The following FKBP15 variants were observed in gnomAD, a reference collection of about 807,000 sequenced individuals.
The protein encoded by FKBP15 is FK506-binding protein 15.
In FKBP15, 106 loss-of-function variants were observed where a neutral mutation model predicts 158.1. The ratio of observed to expected loss-of-function variants is 0.67; its 90% CI spans 0.57 to 0.79. The LOEUF is 0.79. Ranked by LOEUF, FKBP15 falls within the 30% of genes least tolerant of loss-of-function variation. The pLI, the probability that FKBP15 is intolerant of heterozygous loss-of-function variation, is 0.00. For missense variants in FKBP15, 1,287 were observed against 1,479.1 expected, an observed-to-expected ratio of 0.87 and a Z score of 2.13; for synonymous variants, 547 against 548.6, an observed-to-expected ratio of 1.00 and a Z score of 0.04.
Position 113,164,894 on chromosome 9 carries a change from A to T in FKBP15, c.*1184T>A, listed in dbSNP as rs1454272324. On this transcript the variant is annotated 3_prime_UTR_variant, in exon 28 of 28. Coordinates refer to ENST00000238256, the MANE Select transcript of FKBP15 (RefSeq NM_015258.2). ...CACCGCCTTTTGTTAAGCAACAAAG[A>T]AATAATTAGTTCTCACTGCCTCCCA... 2 of 152,246 alleles carry T rather than the reference A, an allele frequency of 1.3e-5. No homozygotes were observed. Among genetic ancestry groups the T allele is most frequent in the African/African-American group, 4.8e-5 (2 of 41,464 alleles). The allele number at this position is 152,246 out of a possible 1,614,324, so 9.4% of individuals were successfully genotyped here. A position where few individuals can be genotyped will look rare whatever the true frequency, so the allele number is the denominator to read the frequency against.
chr9:113,171,876 T>C (rs1195944911), intron 23 of FKBP15, among the ~76,000 whole-genome samples, 170 bp from the exon 24 acceptor site: 2 of 151,904 alleles, frequency 1.3e-5, no homozygotes, highest in Non-Finnish European at 2.9e-5. Flanking sequence ...TACTTTAAGT[T>C]CTAGGGCACA....
chr9:113,217,401 G>A (rs1315081066), intron 1 of FKBP15, among the ~76,000 whole-genome samples: 1 of 151,100 alleles, frequency 6.6e-6, no homozygotes, highest in Non-Finnish European at 1.5e-5. Context: ...TTGTAGAGAC[G>A]GGGTTTCATT....
Position 113,184,672 on chromosome 9 carries a change from C to T in FKBP15, c.1608+23G>A, listed in dbSNP as rs762875897. The T allele has an allele frequency of 1.3e-6, 2 of 1,566,504 alleles. No homozygotes were observed. The highest frequency in any genetic ancestry group is 2.3e-5 in the South Asian group (2 of 86,372). ...CTGTTTACATCCCCACTTTCAACAT[C>T]ACCCCAACTCTGACTCAGTCACCTT... is the stretch of plus-strand genomic sequence containing the variant. On this transcript the variant is annotated intron_variant, in intron 16 of 27. Coordinates refer to ENST00000238256, the MANE Select transcript of FKBP15 (RefSeq NM_015258.2). This position sits in a 1 kb window ranked among gnomAD's most constrained non-coding sequence, Gnocchi z 4.5.
chr9:113,171,853 T>A (rs913948955), intron 23 of FKBP15, 147 bp from the exon 24 acceptor site: 25 of 718,362 alleles, frequency 3.5e-5, no homozygotes, highest in Middle Eastern at 4.3e-4. Context: ...ATTCTTTTTT[T>A]TTATTATTAT....
At chr9:113,210,567 G>C (rs986133978) in intron 2 of FKBP15, among the ~76,000 whole-genome samples, 4 of 152,130 alleles carry the variant, frequency 2.6e-5, no homozygotes, top group Non-Finnish European at 4.4e-5. Context: ...TCTTGACCTC[G>C]TGATCTGCTC....
At position 113,170,083 on chromosome 9, in the gene FKBP15, C is replaced by T. The variant is rs1417719766; in HGVS notation, c.2767-141G>A. ...GAGGCTGACTATATCTGTCAAGTCA[C>T]TCCAGGCATCCTAATTACTGAGGAA... On this transcript the variant is annotated intron_variant, in intron 25 of 27. Transcript: ENST00000238256. The T allele has an allele frequency of 3.5e-6, 4 of 1,132,246 alleles. No homozygotes were observed. In the Admixed American group the frequency reaches 1.2e-4, roughly 33 times the overall value. 70.1% of individuals were successfully genotyped at this position (1,132,246 alleles called of 1,614,324 possible). A position where few individuals can be genotyped will look rare whatever the true frequency, so the allele number is the denominator to read the frequency against.
At chr9:113,171,487 G>T in intron 24 of FKBP15, 94 bp downstream of exon 24, 1 of 1,420,626 alleles carries the variant, frequency 7.0e-7, no homozygotes, top group Non-Finnish European at 9.5e-7. Context: ...CATCACTAAA[G>T]TTAGAAAAAG....
At chr9:113,206,712 ATTTTTTT>A (rs35902681) in intron 3 of FKBP15, 134 bp from the exon 4 acceptor site, 16 of 288,898 alleles carry the variant, frequency 5.5e-5, no homozygotes, top group Non-Finnish European at 7.8e-5. Context: ...GCGGTTTAAA[ATTTTTTT>A]TTTTTTTTTT....
At position 113,169,744 on chromosome 9, in the gene FKBP15, C is replaced by T. The variant is rs773270691; in HGVS notation, c.2965G>A (p.Glu989Lys). Residue 989 changes from glutamate to lysine, a missense_variant, in exon 26 of 28, where the codon GAG becomes AAG. Physicochemically the swap from Glu to Lys is moderately conservative, Grantham distance 56. Transcript: ENST00000238256. ...TGAGGAGGCAACGGGACAGCTTCCT[C>T]GACCACCTGCTCTGAGGGCACCATG... ...SPMVPSEQVVEEAVPLPPQAL... is the reference protein window; with the variant it reads ...SPMVPSEQVVKEAVPLPPQAL... 17 of 1,611,758 alleles carry T rather than the reference C, an allele frequency of 1.1e-5. No homozygotes were observed. The East Asian group carries it at 2.5e-4, about 23-fold the overall frequency.
chr9:113,188,112 C>T (rs1830514673), intron 13 of FKBP15, among the ~76,000 whole-genome samples: 1 of 152,120 alleles, frequency 6.6e-6, no homozygotes. Flanking sequence ...TCCCACCCGA[C>T]AGGAAGTGCA....
intron 1 of FKBP15, among the ~76,000 whole-genome samples, chr9:113,220,409 C>T (rs987193546): frequency 6.6e-6 from 1 of 152,146 alleles, no homozygotes; most frequent in Admixed American, 6.5e-5. Context: ...GAGACAAAAC[C>T]CTTCCTCTCT....
At chr9:113,173,873 T>A (rs1325882744) in intron 22 of FKBP15, among the ~76,000 whole-genome samples, 2 of 152,196 alleles carry the variant, frequency 1.3e-5, no homozygotes, top group African/African-American at 4.8e-5. Flanking sequence ...TGATCACTGC[T>A]TTTCAGGGTC....
chr9:113,192,981 C>T lies in FKBP15; in HGVS notation c.1065+511G>A, dbSNP rs79569146. Among the ~76,000 whole-genome samples, 1,071 of 152,294 alleles carry T rather than the reference C, an allele frequency of 7.0e-3. 90 individuals are homozygous for T. In the East Asian group the frequency reaches 0.19, roughly 27 times the overall value. ...GTCTCCTAAATCCTAATAATAATCA[C>T]GGTGACCACTTATTAAAGACAAACT... is the stretch of plus-strand genomic sequence containing the variant. On this transcript the variant is annotated intron_variant, in intron 11 of 27. Coordinates refer to ENST00000238256, the MANE Select transcript of FKBP15 (RefSeq NM_015258.2).
At chr9:113,188,889 C>T (rs886687569) in intron 12 of FKBP15, among the ~76,000 whole-genome samples, 2 of 152,176 alleles carry the variant, frequency 1.3e-5, no homozygotes, top group African/African-American at 4.8e-5. Flanking sequence ...CCAGCCTCTT[C>T]GCTTCTTACA....
chr9:113,200,979 G>A (rs1408670684), intron 6 of FKBP15, among the ~76,000 whole-genome samples: 4 of 150,834 alleles, frequency 2.7e-5, no homozygotes, highest in African/African-American at 9.8e-5. Context: ...GGGAGGCGGA[G>A]GTTGCAGTGA....
chr9:113,176,590 A>T lies in FKBP15; in HGVS notation c.2170T>A (p.Ser724Thr). ...NRKQLELKVT[S>T]LEEELTDLRV... ...AGGTCAGTCAGTTCCTCCTCCAGGG[A>T]TGTCACCTTGAGTTCCAGTTGTTTC... The change falls in exon 21 of 28, where the codon TCC (serine) becomes ACC (threonine). Residue 724 changes from serine (S) to threonine (T), a missense_variant. Physicochemically the swap from Ser to Thr is moderately conservative, Grantham distance 58 (BLOSUM62 1). Coordinates refer to ENST00000238256, the MANE Select transcript of FKBP15 (RefSeq NM_015258.2). 1 of 1,579,016 alleles carries T rather than the reference A, an allele frequency of 6.3e-7. No individual in the cohort carries two copies. Among genetic ancestry groups the T allele is most frequent in the Non-Finnish European group, 8.6e-7 (1 of 1,159,752 alleles).
Position 113,199,889 on chromosome 9 carries a change from G to T in FKBP15, c.573C>A (p.Gly191=), listed in dbSNP as rs760738296. Residue 191 remains glycine (G), a synonymous_variant, in exon 7 of 28, where the codon GGC becomes GGA. Coordinates refer to ENST00000238256, the MANE Select transcript of FKBP15 (RefSeq NM_015258.2). ...AAGAATCTCCAACTTCTACAGCAGG[G>T]CCGTCTGCCACAATGAGGTCCTGGG... ...VLSQDLIVAD[G]PAVEVGDSLE... 42 of 1,613,182 alleles carry T rather than the reference G, an allele frequency of 2.6e-5. No individual in the cohort carries two copies. The highest frequency in any genetic ancestry group is 3.4e-5 in the Non-Finnish European group (40 of 1,179,652).
At chr9:113,204,472 T>C (rs114700129) in intron 4 of FKBP15, among the ~76,000 whole-genome samples, 2,139 of 152,356 alleles carry the variant, frequency 0.014, 43 homozygotes, top group African/African-American at 0.049. Flanking sequence ...TCTCTCACTT[T>C]TGTTTGGCTG....
intron 22 of FKBP15, 104 bp from the exon 23 acceptor site, chr9:113,173,709 C>T (rs1830254950): frequency 8.4e-7 from 1 of 1,194,928 alleles, no homozygotes; most frequent in East Asian, 2.4e-5. Flanking sequence ...AATAAGCTAA[C>T]AGCCCAGATT....
Sources: allele counts gnomAD v4.1 joint callset (sites outside exome capture counted in the v4.1 genomes callset), GRCh38; gene constraint gnomAD v4.1.1; non-coding constraint Gnocchi (gnomAD v3.1); transcripts MANE v1.5; gene names NCBI Gene and HGNC (gene_info 2026-07-23, HGNC 2026-07-21).